CHUK: variants seen among roughly 807,000 people sequenced by gnomAD.
CHUK encodes the protein component of inhibitor of nuclear factor kappa B kinase complex.
Under a neutral mutation model 104.8 loss-of-function variants are expected in CHUK, and 35 were observed. The ratio of observed to expected loss-of-function variants is 0.33; its 90% CI spans 0.26 to 0.44. The LOEUF is 0.44. Among genes scored for constraint, CHUK ranks in the 20% least tolerant of loss-of-function variants. The pLI is 1.00. For synonymous variants in CHUK, 276 were observed against 291.9 expected, an observed-to-expected ratio of 0.95 and a Z score of 0.56; for missense variants, 663 against 902.7, an observed-to-expected ratio of 0.73 and a Z score of 3.40.
chr10:100,205,250 G>C, intron 11 of CHUK, 51 bp from the exon 12 acceptor site: 1 of 1,577,490 alleles, frequency 6.3e-7, no homozygotes, highest in South Asian at 1.1e-5. Context: ...TTACTTTTGA[G>C]GATTTTAGAG....
chr10:100,194,325 C>G, intron 17 of CHUK, 100 bp downstream of exon 17: 1 of 1,083,346 alleles, frequency 9.2e-7, no homozygotes, highest in Non-Finnish European at 1.4e-6. Context: ...CAGAATTCTT[C>G]CTGGGTAAGT....
Position 100,229,475 on chromosome 10 carries a change from G to T in CHUK, c.58C>A (p.Arg20=). Residue 20 remains arginine (R), a synonymous_variant, in exon 1 of 21, where the codon CGG becomes AGG. Transcript: ENST00000370397. ...TTCCCGAAGCCGCCGGTGCCCAGCC[G>T]CTCCCGCATCTCCCAGGGCCCGCCC... is the stretch of plus-strand genomic sequence containing the variant. The part of the protein sequence containing the change: ...GAGGPWEMRE[R]LGTGGFGNVC... 6.3e-7 allele frequency: 1 copy of T among 1,599,068 alleles called. No individual in the cohort carries two copies. Among genetic ancestry groups the T allele is most frequent in the Non-Finnish European group, 8.5e-7 (1 of 1,176,398 alleles).
In CHUK at chr10:100,209,329, G is replaced by A. The variant is rs547979990; in HGVS notation, c.1128+266C>T. 5.3e-5 allele frequency among the ~76,000 whole-genome samples: 8 copies of A among 152,290 alleles called. No homozygotes were observed. In the South Asian group the frequency reaches 6.2e-4, roughly 12 times the overall value. On this transcript the variant is annotated intron_variant, in intron 10 of 20. Transcript: ENST00000370397. ...CATCTGCATCTCGTTATTGGGCCGCGAGAGTAAGCAGCCTGACCCTCAGTT... is the reference window on the plus strand; with the variant it reads ...CATCTGCATCTCGTTATTGGGCCGCAAGAGTAAGCAGCCTGACCCTCAGTT...
chr10:100,222,760 G>T, intron 3 of CHUK, 106 bp downstream of exon 3: 1 of 704,452 alleles, frequency 1.4e-6, no homozygotes, highest in Non-Finnish European at 2.6e-6. Context: ...ACAGGAAGCA[G>T]ACCATAGTTT....
chr10:100,190,229 C>G (rs567911465), intron 20 of CHUK: 1 of 155,382 alleles, frequency 6.4e-6, no homozygotes, highest in Admixed American at 6.4e-5. Flanking sequence ...CCATGTTGGC[C>G]AGGCTAGTCT....
At chr10:100,205,934 C>T (rs1198605726) in intron 11 of CHUK, among the ~76,000 whole-genome samples, 1 of 151,962 alleles carries the variant, frequency 6.6e-6, no homozygotes, top group African/African-American at 2.4e-5. Flanking sequence ...ATCTCAAAAA[C>T]AAAACAAAAA....
At chr10:100,210,916 G>C (rs181642009) in intron 9 of CHUK, among the ~76,000 whole-genome samples, 3 of 152,306 alleles carry the variant, frequency 2.0e-5, no homozygotes, top group Non-Finnish European at 2.9e-5. Context: ...TCAGTCTTTT[G>C]AAAAGAACAT....
At chr10:100,216,595 T>C (rs1845861097) in intron 9 of CHUK, among the ~76,000 whole-genome samples, 2 of 152,204 alleles carry the variant, frequency 1.3e-5, no homozygotes, top group Non-Finnish European at 2.9e-5. Context: ...TCCCATTTAC[T>C]CTGGAGGCTG....
intron 1 of CHUK, 58 bp downstream of exon 1, chr10:100,229,370 A>G (rs1343711646): frequency 1.6e-6 from 2 of 1,274,058 alleles, no homozygotes; most frequent in Non-Finnish European, 2.3e-6. Flanking sequence ...TGTTCCACAG[A>G]CGCTCAAACC....
intron 5 of CHUK, 69 bp downstream of exon 5, chr10:100,220,519 C>G: frequency 9.2e-7 from 1 of 1,090,408 alleles, no homozygotes. Flanking sequence ...GACACCAAAG[C>G]TCAAGGACTA....
rs1341443716 is a variant in CHUK at position 100,189,520 on chromosome 10, T to C, written c.*78A>G. The C allele has an allele frequency of 8.7e-7, 1 of 1,143,750 alleles. No individual in the cohort carries two copies. The highest frequency in any genetic ancestry group is 1.3e-6 in the Non-Finnish European group (1 of 750,950). The allele number at this position is 1,143,750 out of a possible 1,614,324, so 70.9% of individuals were successfully genotyped here. A position where few individuals can be genotyped will look rare whatever the true frequency, so the allele number is the denominator to read the frequency against. On this transcript the variant is annotated 3_prime_UTR_variant, in exon 21 of 21. Coordinates refer to ENST00000370397, the MANE Select transcript of CHUK (RefSeq NM_001278.5). Reference sequence around the variant, plus strand: ...CCATTGACTGATGTCTGAAGAATGGTTTCATGGGGGAAAAACACATTTCCA... The same window carrying C: ...CCATTGACTGATGTCTGAAGAATGGCTTCATGGGGGAAAAACACATTTCCA...
Position 100,205,215 on chromosome 10 carries a change from T to C in CHUK, c.1232-16A>G. The C allele has an allele frequency of 6.2e-7, 1 of 1,613,358 alleles. No individual in the cohort carries two copies. Among genetic ancestry groups the C allele is most frequent in the South Asian group, 1.1e-5 (1 of 91,058 alleles). The stretch of plus-strand genomic sequence containing the variant: ...CTGTCCTGTACTATATACAAGAAGA[T>C]GAGAAAAAGGGCAAGGGAGGTTAGT... On this transcript the variant is annotated splice_polypyrimidine_tract_variant and intron_variant, in intron 11 of 20. Transcript: ENST00000370397.
intron 12 of CHUK, 65 bp from the exon 13 acceptor site, chr10:100,204,722 CAAT>C (rs1845551570): frequency 7.7e-7 from 1 of 1,296,770 alleles, no homozygotes; most frequent in East Asian, 2.3e-5. Flanking sequence ...AAACATTGAA[CAAT>C]AATGTAAAAA....
rs777982010 is a variant in CHUK at position 100,229,538 on chromosome 10, G to C, written c.-6C>G. ...AGCCCCGGGGGCCGCTCCATGGGGC[G>C]GGAGGGCAAGCGGCCTCAGGTTCCA... On this transcript the variant is annotated 5_prime_UTR_variant, in exon 1 of 21. Transcript: ENST00000370397. The C allele has an allele frequency of 2.0e-6, 3 of 1,524,762 alleles. No homozygotes were observed. The highest frequency in any genetic ancestry group is 2.6e-6 in the Non-Finnish European group (3 of 1,137,514). The allele number at this position is 1,524,762 out of a possible 1,614,324, so 94.5% of individuals were successfully genotyped here.
chr10:100,220,727 A>G, intron 4 of CHUK, 51 bp from the exon 5 acceptor site: 3 of 1,244,686 alleles, frequency 2.4e-6, no homozygotes, highest in Non-Finnish European at 3.5e-6. Flanking sequence ...ATTGAGTTAA[A>G]AGAAAAATTC....
Position 100,219,323 on chromosome 10 carries a change from CT to C in CHUK, c.510del (p.Asp171MetfsTer97). On this transcript the variant is annotated frameshift_variant, in exon 6 of 21. Coordinates refer to ENST00000370397, the MANE Select transcript of CHUK (RefSeq NM_001278.5). LOFTEE classifies it high-confidence loss of function. ...IHKIIDLGYA[K>X]DVDQGSLCTS... ...GTACACAGACTTCCTTGATCAACAT[CT>C]TTGGCATATCCCAGATCAATTATTT... The C allele has an allele frequency of 6.3e-7, 1 of 1,596,988 alleles. No individual in the cohort carries two copies. The highest frequency in any genetic ancestry group is 1.7e-4 in the Middle Eastern group (1 of 5,976).
intron 4 of CHUK, 63 bp from the exon 5 acceptor site, chr10:100,220,739 C>G (rs1373739431): frequency 1.9e-6 from 2 of 1,065,156 alleles, no homozygotes; most frequent in African/African-American, 3.1e-5. Context: ...GAAAAATTCA[C>G]CTCACATTTT....
chr10:100,186,981 T>A (rs556683122), downstream of CHUK: 1 of 152,160 alleles, frequency 6.6e-6, no homozygotes, highest in Admixed American at 6.5e-5. Flanking sequence ...AAACCTCACA[T>A]GTGCAGTTCA....
intron 18 of CHUK, chr10:100,193,638 C>T (rs1415395689): frequency 1.6e-6 from 1 of 635,822 alleles, no homozygotes; most frequent in Non-Finnish European, 2.7e-6. Flanking sequence ...CCAAATATAT[C>T]CACTCATCTT....
Sources: allele counts gnomAD v4.1 joint callset (sites outside exome capture counted in the v4.1 genomes callset), GRCh38; gene constraint gnomAD v4.1.1; transcripts MANE v1.5; gene names NCBI Gene and HGNC (gene_info 2026-07-23, HGNC 2026-07-21).